Variants in MED15 observed in about 807,000 individuals in gnomAD.
The protein encoded by MED15 is mediator of RNA polymerase II transcription subunit 15.
MED15 carries 41 observed loss-of-function variants against 118.7 expected under a neutral mutation model. The observed-to-expected ratio is 0.35, with a 90% CI of 0.27 to 0.45. The LOEUF is 0.45. Ranked by LOEUF, MED15 falls within the 20% of genes least tolerant of loss-of-function variation. The probability of loss-of-function intolerance (pLI) is 1.00; values close to 1 mark genes in which losing one functional copy is unlikely to be tolerated. For synonymous variants in MED15, 436 were observed against 413.9 expected (o/e 1.05, Z -0.65); for missense variants, 740 against 1,025.5 (o/e 0.72, Z 3.80).
At chr22:20,552,452 A>T (rs1159295412) in intron 3 of MED15, 3 of 349,042 alleles carry the variant, frequency 8.6e-6, no homozygotes, top group Non-Finnish European at 1.8e-5. Flanking sequence ...TGGTGTTGGA[A>T]AGTCACTGGG....
intron 5 of MED15, among the ~76,000 whole-genome samples, chr22:20,557,877 C>T (rs923408290): frequency 6.6e-6 from 1 of 152,122 alleles, no homozygotes. Flanking sequence ...GAGGCTGAGG[C>T]GGGCGGATCA....
intron 1 of MED15, chr22:20,508,359 T>A (rs5750324): frequency 1.5e-6 from 2 of 1,303,860 alleles, no homozygotes; most frequent in Middle Eastern, 2.1e-4. Flanking sequence ...TCAGAGGAAC[T>A]CTAGCCCCTC....
intron 1 of MED15, among the ~76,000 whole-genome samples, chr22:20,534,954 CAG>C: frequency 6.6e-6 from 1 of 152,290 alleles, no homozygotes; most frequent in South Asian, 2.1e-4. Context: ...AGGAAGCAGA[CAG>C]GGAGGTAGGA....
At chr22:20,509,752 T>G (rs1246918760) in intron 1 of MED15, among the ~76,000 whole-genome samples, 1 of 152,134 alleles carries the variant, frequency 6.6e-6, no homozygotes, top group African/African-American at 2.4e-5. Context: ...TGAACAGTGT[T>G]TTACTGATAA....
intron 1 of MED15, among the ~76,000 whole-genome samples, chr22:20,519,265 G>A (rs918641903): frequency 6.6e-6 from 1 of 152,070 alleles, no homozygotes; most frequent in Admixed American, 6.6e-5. Context: ...GGAGATGTTC[G>A]CCTCAACTTT....
intron 1 of MED15, among the ~76,000 whole-genome samples, chr22:20,532,142 G>A (rs1218044473): frequency 1.3e-5 from 2 of 152,236 alleles, no homozygotes; most frequent in Non-Finnish European, 2.9e-5. Flanking sequence ...TGGCGAGGGC[G>A]TGGGGGTAGG....
intron 2 of MED15, among the ~76,000 whole-genome samples, chr22:20,547,358 A>G (rs1339931703): frequency 2.6e-5 from 4 of 152,126 alleles, no homozygotes; most frequent in African/African-American, 9.7e-5. Context: ...TTTATTTGGA[A>G]TGTTTAGGAA....
intron 1 of MED15, among the ~76,000 whole-genome samples, chr22:20,524,707 C>T (rs958876353): frequency 2.0e-5 from 3 of 152,172 alleles, no homozygotes; most frequent in Non-Finnish European, 2.9e-5. Context: ...CTGCAACCTC[C>T]GCCTCCCGGG....
At chr22:20,550,122 C>T (rs1359977543) in intron 2 of MED15, among the ~76,000 whole-genome samples, 2 of 152,166 alleles carry the variant, frequency 1.3e-5, no homozygotes, top group African/African-American at 4.8e-5. Flanking sequence ...TACATGGCCA[C>T]CTTGCTTCTG....
intron 9 of MED15, among the ~76,000 whole-genome samples, chr22:20,579,278 G>A (rs2056908788): frequency 6.6e-6 from 1 of 152,190 alleles, no homozygotes; most frequent in South Asian, 2.1e-4. Context: ...TCTCATCCCA[G>A]GTGCTGGACT....
At position 20,583,267 on chromosome 22, in the gene MED15, G is replaced by C; in HGVS notation, c.1672+20G>C. ...ACGAAGGTAGGCTGCAGCCAGGGCA[G>C]GGGCCTGCACCCTGGGGACACCACC... On this transcript the variant is annotated intron_variant, in intron 12 of 17. Coordinates refer to ENST00000263205, the MANE Select transcript of MED15 (RefSeq NM_001003891.3). 1 of 1,611,878 alleles carries C rather than the reference G, an allele frequency of 6.2e-7. No individual in the cohort carries two copies. The highest frequency in any genetic ancestry group is 2.2e-5 in the East Asian group (1 of 44,802).
intron 5 of MED15, among the ~76,000 whole-genome samples, chr22:20,558,613 G>C (rs1438334935): frequency 6.6e-6 from 1 of 152,196 alleles, no homozygotes; most frequent in Non-Finnish European, 1.5e-5. Context: ...TGGATAACTA[G>C]GTTCTGGTTA....
At position 20,562,454 on chromosome 22, in the gene MED15, G is replaced by A. The variant is rs540353823; in HGVS notation, c.452-1996G>A. On this transcript the variant is annotated intron_variant, in intron 5 of 17. Coordinates refer to ENST00000263205, the MANE Select transcript of MED15 (RefSeq NM_001003891.3). ...GGCTGGAGTGCAGTGGCGCGATCTC[G>A]GCTCACTGCAACCTCTGCCTCCCGG... Among the ~76,000 whole-genome samples, 1,003 of 152,126 alleles carry A rather than the reference G, an allele frequency of 6.6e-3. 13 individuals carry two copies. The highest frequency in any genetic ancestry group is 0.042 in the South Asian group (203 of 4,812).
At chr22:20,572,921 G>A (rs758661160) in intron 8 of MED15, among the ~76,000 whole-genome samples, 2 of 151,132 alleles carry the variant, frequency 1.3e-5, no homozygotes, top group African/African-American at 2.4e-5. Context: ...CAAAACTCTT[G>A]TCTCTTTAAA....
intron 4 of MED15, among the ~76,000 whole-genome samples, chr22:20,553,950 C>G (rs1023863943): frequency 6.6e-6 from 1 of 152,254 alleles, no homozygotes; most frequent in African/African-American, 2.4e-5. Context: ...CAGCCTTGGT[C>G]TCTGCTGACT....
chr22:20,508,246 C>T, intron 1 of MED15: 2 of 1,279,332 alleles, frequency 1.6e-6, no homozygotes, highest in Non-Finnish European at 1.0e-6. Context: ...GGGTGACCCC[C>T]CGAAGGAATG....
intron 1 of MED15, among the ~76,000 whole-genome samples, chr22:20,536,881 C>T (rs1362489972): frequency 6.6e-6 from 1 of 152,146 alleles, no homozygotes; most frequent in Non-Finnish European, 1.5e-5. Flanking sequence ...TCTCTCTTTG[C>T]TTCATGGCGA....
intron 1 of MED15, among the ~76,000 whole-genome samples, chr22:20,517,831 G>A (rs1019238970): frequency 6.6e-6 from 1 of 151,494 alleles, no homozygotes; most frequent in Non-Finnish European, 1.5e-5. Flanking sequence ...CAGCTCAGCT[G>A]GGGGCACTTA....
At chr22:20,531,998 C>T (rs1048469522) in intron 1 of MED15, among the ~76,000 whole-genome samples, 4 of 152,200 alleles carry the variant, frequency 2.6e-5, no homozygotes, top group African/African-American at 9.7e-5. Flanking sequence ...GGCGCAGGAG[C>T]AGGCTCCTCA....
Sources: gnomAD v4.1 joint callset for allele counts (sites outside exome capture counted in the v4.1 genomes callset) on GRCh38, gnomAD v4.1.1 for gene constraint, MANE v1.5 for transcripts, NCBI Gene and HGNC (gene_info 2026-07-23, HGNC 2026-07-21) for gene names.